The following RALYL variants were observed in gnomAD, a reference collection of about 807,000 sequenced individuals.
RALYL encodes RALY RNA binding protein like, also known as RNA-binding Raly-like protein.
A neutral mutation model predicts 35.1 loss-of-function variants in RALYL; 29 were observed. The ratio of observed to expected loss-of-function variants is 0.83; its 90% confidence interval spans 0.61 to 1.13. The LOEUF (loss-of-function observed/expected upper bound fraction) is 1.13. Among genes scored for constraint, RALYL ranks in the 50% most tolerant of loss-of-function variants. The pLI is 0.00. For missense variants in RALYL, 359 were observed against 360.4 expected, an observed-to-expected ratio of 1.00 and a Z score of 0.03; for synonymous variants, 120 against 127.6, an observed-to-expected ratio of 0.94 and a Z score of 0.40.
At chr8:84,738,756 G>A (rs534023650) in intron 2 of RALYL, among the ~76,000 whole-genome samples, 2 of 152,046 alleles carry the variant, frequency 1.3e-5, no homozygotes, top group South Asian at 4.2e-4. Flanking sequence ...ATAAGGTCTT[G>A]GAAATAGCTG....
intron 4 of RALYL, among the ~76,000 whole-genome samples, chr8:84,812,850 C>T (rs1044121348): frequency 2.6e-5 from 4 of 152,210 alleles, no homozygotes; most frequent in East Asian, 1.9e-4. Context: ...CTCCCAGCTG[C>T]GAAAGAAAAA....
intron 1 of RALYL, among the ~76,000 whole-genome samples, chr8:84,456,669 T>C (rs2050175462): frequency 6.6e-6 from 1 of 152,040 alleles, no homozygotes; most frequent in African/African-American, 2.4e-5. Flanking sequence ...ACTGGGCATC[T>C]ACAAAAGAAT....
At chr8:84,657,069 A>G (rs1204377350) in intron 2 of RALYL, among the ~76,000 whole-genome samples, 1 of 152,182 alleles carries the variant, frequency 6.6e-6, no homozygotes, top group Admixed American at 6.5e-5. Context: ...CTGACACTGT[A>G]AAGATTGTTT....
intron 2 of RALYL, among the ~76,000 whole-genome samples, chr8:84,668,035 G>T (rs967032208): frequency 5.3e-5 from 8 of 152,014 alleles, no homozygotes; most frequent in African/African-American, 1.9e-4. Context: ...ATCCTCTAAG[G>T]CATATGTTTG....
At chr8:84,685,480 A>T (rs1018377804) in intron 2 of RALYL, among the ~76,000 whole-genome samples, 1 of 152,076 alleles carries the variant, frequency 6.6e-6, no homozygotes, top group Non-Finnish European at 1.5e-5. Context: ...CTAGTACCTG[A>T]TTCTCTCCCA....
intron 1 of RALYL, among the ~76,000 whole-genome samples, chr8:84,358,120 G>A (rs1040082576): frequency 6.6e-6 from 1 of 151,844 alleles, no homozygotes; most frequent in African/African-American, 2.4e-5. Flanking sequence ...ATGTCAAGTA[G>A]AAAACAGAAA....
At chr8:84,545,301 C>T (rs2060281767) in intron 2 of RALYL, among the ~76,000 whole-genome samples, 1 of 152,062 alleles carries the variant, frequency 6.6e-6, no homozygotes, top group African/African-American at 2.4e-5. Context: ...GAACTAAAAC[C>T]TGTCAATACT....
intron 1 of RALYL, among the ~76,000 whole-genome samples, chr8:84,355,973 C>G (rs1352507166): frequency 6.7e-6 from 1 of 149,848 alleles, no homozygotes; most frequent in Non-Finnish European, 1.5e-5. Flanking sequence ...GATTTCCCTG[C>G]CTGCTGTTCT....
chr8:84,352,026 A>G (rs903422386), intron 1 of RALYL, among the ~76,000 whole-genome samples: 1 of 150,410 alleles, frequency 6.6e-6, no homozygotes, highest in African/African-American at 2.5e-5. Flanking sequence ...CTTACCCCAC[A>G]TTGGAGACGA....
chr8:84,546,208 C>T (rs2060346634), intron 2 of RALYL, among the ~76,000 whole-genome samples: 1 of 152,096 alleles, frequency 6.6e-6, no homozygotes, highest in Non-Finnish European at 1.5e-5. Context: ...TTACTGCAGC[C>T]TCAACTTCCC....
intron 3 of RALYL, among the ~76,000 whole-genome samples, chr8:84,802,804 G>A (rs930578907): frequency 8.5e-5 from 13 of 152,140 alleles, no homozygotes; most frequent in African/African-American, 2.9e-4. Flanking sequence ...CTTAGTGTGA[G>A]AGCAGTGTGT....
chr8:84,751,023 A>G (rs955815672), intron 2 of RALYL, among the ~76,000 whole-genome samples: 1 of 152,140 alleles, frequency 6.6e-6, no homozygotes, highest in African/African-American at 2.4e-5. Context: ...GTCTTTGTAC[A>G]TACCTGCTCT....
chr8:84,812,532 T>C (rs1234359429), intron 4 of RALYL, among the ~76,000 whole-genome samples: 1 of 151,864 alleles, frequency 6.6e-6, no homozygotes, highest in African/African-American at 2.4e-5. Flanking sequence ...CCAGGGTGAG[T>C]AGGGCAGGAC....
chr8:84,755,389 A>G (rs1811139340), intron 2 of RALYL, among the ~76,000 whole-genome samples: 2 of 152,218 alleles, frequency 1.3e-5, no homozygotes, highest in Middle Eastern at 3.2e-3. Context: ...CAAGGCATCA[A>G]ATAAAATGAT....
chr8:84,359,219 T>G (rs1852452781), intron 1 of RALYL, among the ~76,000 whole-genome samples: 2 of 141,600 alleles, frequency 1.4e-5, no homozygotes, highest in Non-Finnish European at 3.0e-5. Flanking sequence ...GAACTATAGG[T>G]ATTTAAATTA....
intron 8 of RALYL, among the ~76,000 whole-genome samples, chr8:84,906,237 T>G (rs1367386449): frequency 6.6e-6 from 1 of 152,048 alleles, no homozygotes; most frequent in Non-Finnish European, 1.5e-5. Flanking sequence ...AATACAAATA[T>G]AATTGATTCA....
At chr8:84,719,955 T>C (rs1470427455) in intron 2 of RALYL, among the ~76,000 whole-genome samples, 1 of 152,084 alleles carries the variant, frequency 6.6e-6, no homozygotes, top group African/African-American at 2.4e-5. Flanking sequence ...GTAGCCACAA[T>C]TCTACTCTCT....
intron 2 of RALYL, among the ~76,000 whole-genome samples, chr8:84,638,936 A>G (rs1470418520): frequency 2.7e-5 from 3 of 110,702 alleles, no homozygotes; most frequent in Non-Finnish European, 5.3e-5. Context: ...TCACAATATA[A>G]CCCATATATA....
intron 1 of RALYL, among the ~76,000 whole-genome samples, chr8:84,384,866 T>C (rs1312782492): frequency 6.6e-6 from 1 of 151,754 alleles, no homozygotes; most frequent in African/African-American, 2.4e-5. Flanking sequence ...CATCCAAAAG[T>C]TGACATGTTA....
Sources: allele counts gnomAD v4.1 joint callset (sites outside exome capture counted in the v4.1 genomes callset), GRCh38; gene constraint gnomAD v4.1.1; transcripts MANE v1.5; gene names NCBI Gene and HGNC (gene_info 2026-07-23, HGNC 2026-07-21).